KRT15: variants seen among roughly 807,000 people sequenced by gnomAD.
KRT15 encodes keratin, type I cytoskeletal 15.
KRT15 carries 45 observed loss-of-function variants against 46.6 expected under a neutral mutation model. The ratio of observed to expected loss-of-function variants is 0.97; its 90% CI spans 0.76 to 1.24. The LOEUF is 1.24. Ranked by LOEUF, KRT15 falls within the 50% of genes most tolerant of loss-of-function variation. The pLI, the probability that KRT15 is intolerant of heterozygous loss-of-function variation, is 0.00. For missense variants in KRT15, 592 were observed against 588.9 expected, an observed-to-expected ratio of 1.01 and a Z score of -0.05; for synonymous variants, 221 against 233.8, an observed-to-expected ratio of 0.95 and a Z score of 0.50.
chr17:41,517,079 G>C lies in KRT15; in HGVS notation c.581+4C>G. 1 of 1,614,160 alleles carries C rather than the reference G, an allele frequency of 6.2e-7. No homozygotes were observed. The highest frequency in any genetic ancestry group is 8.5e-7 in the Non-Finnish European group (1 of 1,179,996). Reference sequence around the variant, plus strand: ...AGGAAGAGGAGAGAGACGGGGGAGCGCACTTGAGCCTGAAGTCGTCCGCAG... The same window carrying C: ...AGGAAGAGGAGAGAGACGGGGGAGCCCACTTGAGCCTGAAGTCGTCCGCAG... On this transcript the variant is annotated splice_donor_region_variant and intron_variant, in intron 2 of 7. Transcript: ENST00000254043.
In KRT15 at chr17:41,517,091, G is replaced by A. The variant is rs1905416057; in HGVS notation, c.573C>T (p.Phe191=). Residue 191 remains phenylalanine, a synonymous_variant, in exon 2 of 8, where the codon TTC becomes TTT. Transcript: ENST00000254043. ...IDNARLAADD[F]RLKYENELAL... is the part of the protein sequence containing the mutation. ...GAGACGGGGGAGCGCACTTGAGCCT[G>A]AAGTCGTCCGCAGCCAGCCTGGCAT... 3 of 1,614,082 alleles carry A rather than the reference G, an allele frequency of 1.9e-6. No individual in the cohort carries two copies. In the Admixed American group the frequency reaches 5.0e-5, roughly 27 times the overall value.
At position 41,518,477 on chromosome 17, in the gene KRT15, G is replaced by A. The variant is rs766813543; in HGVS notation, c.351C>T (p.Ala117=). 2.5e-6 allele frequency: 4 copies of A among 1,614,060 alleles called. No homozygotes were observed. The highest frequency in any genetic ancestry group is 3.3e-5 in the Admixed American group (2 of 59,996). The change falls in exon 1 of 8, where the codon GCC becomes GCT. Residue 117 remains alanine, a synonymous_variant. Coordinates refer to ENST00000254043, the MANE Select transcript of KRT15 (RefSeq NM_002275.4). ...ITMQNLNDRL[A]SYLDKVRALE... The stretch of plus-strand genomic sequence containing the variant: ...GGGCACGTACCTTGTCCAGGTAGGA[G>A]GCCAGGCGGTCATTGAGGTTCTGCA...
Position 41,518,873 on chromosome 17 carries a change from G to A in KRT15, c.-46C>T, listed in dbSNP as rs771672993. On this transcript the variant is annotated 5_prime_UTR_variant, in exon 1 of 8. Transcript: ENST00000254043. ...TGAGTTCTCAGCAAACCCAAGAGAT[G>A]CTGGCAGGAGGTACCAGGCCAGGCT... The A allele has an allele frequency of 6.6e-7, 1 of 1,519,106 alleles. No individual in the cohort carries two copies. Among genetic ancestry groups the A allele is most frequent in the Non-Finnish European group, 8.8e-7 (1 of 1,137,514 alleles). The allele number at this position is 1,519,106 out of a possible 1,614,324, so 94.1% of individuals were successfully genotyped here.
At chr17:41,516,360 A>T in intron 3 of KRT15, 95 bp from the exon 4 acceptor site, 1 of 1,325,456 alleles carries the variant, frequency 7.5e-7, no homozygotes, top group African/African-American at 1.5e-5. Flanking sequence ...TGCCCGTAAC[A>T]CACCCCAACC....
At chr17:41,514,792 A>C (rs1905277245) in intron 6 of KRT15, 118 bp from the exon 7 acceptor site, 2 of 1,001,134 alleles carry the variant, frequency 2.0e-6, no homozygotes, top group Non-Finnish European at 3.1e-6. Flanking sequence ...CCACCCACAC[A>C]TCTGACTCCT....
At chr17:41,514,362 G>A (rs1047958017) in intron 7 of KRT15, 2 of 599,652 alleles carry the variant, frequency 3.3e-6, no homozygotes, top group Non-Finnish European at 5.9e-6. Context: ...CACATGAAGG[G>A]GGATGAATTG....
chr17:41,515,670 A>G lies in KRT15; in HGVS notation c.1049T>C (p.Leu350Pro). 3 of 1,614,078 alleles carry G rather than the reference A, an allele frequency of 1.9e-6. No homozygotes were observed. Among genetic ancestry groups the G allele is most frequent in the Non-Finnish European group, 2.5e-6 (3 of 1,179,964 alleles). Reference sequence around the variant, plus strand: ...GGCATAGCGGCACTCTGTCTCGGCCAGTGAGTTCTCCAGCCCAGCTTTCTG... The same window carrying G: ...GGCATAGCGGCACTCTGTCTCGGCCGGTGAGTTCTCCAGCCCAGCTTTCTG... ...LSMKAGLENSLAETECRYATQ... is the reference protein window; with the variant it reads ...LSMKAGLENSPAETECRYATQ... The change falls in exon 6 of 8, where the codon CTG becomes CCG. Residue 350 changes from leucine (L) to proline (P), a missense_variant. Physicochemically the swap from Leu to Pro is moderately conservative, Grantham distance 98. Transcript: ENST00000254043.
Position 41,515,683 on chromosome 17 carries a change from G to A in KRT15, c.1036C>T (p.Leu346=). The A allele has an allele frequency of 6.2e-7, 1 of 1,613,750 alleles. No individual in the cohort carries two copies. Among genetic ancestry groups the A allele is most frequent in the Non-Finnish European group, 8.5e-7 (1 of 1,179,720 alleles). ...TCTGTCTCGGCCAGTGAGTTCTCCA[G>A]CCCAGCTTTCTGGGGGAGTGACAGA... ...LQSQLSMKAG[L]ENSLAETECR... The change falls in exon 6 of 8, where the codon CTG becomes TTG. Residue 346 remains leucine (L), a synonymous_variant. Coordinates refer to ENST00000254043, the MANE Select transcript of KRT15 (RefSeq NM_002275.4).
Position 41,513,761 on chromosome 17 carries a change from A to G in KRT15, c.*262T>C. 3 of 375,300 alleles carry G rather than the reference A, an allele frequency of 8.0e-6. No individual in the cohort carries two copies. The South Asian group carries it at 9.4e-5, about 12-fold the overall frequency. 23.2% of individuals were successfully genotyped at this position (375,300 alleles called of 1,614,324 possible). A position where few individuals can be genotyped will look rare whatever the true frequency, so the allele number is the denominator to read the frequency against. On this transcript the variant is annotated 3_prime_UTR_variant, in exon 8 of 8. Transcript: ENST00000254043. ...GCCAAGAGATATTTGCAAAAGGAAA[A>G]GTAATTCTTTATTACATGAACAGAC...
Position 41,518,314 on chromosome 17 carries a change from A to G in KRT15, c.498+16T>C. 2 of 1,601,176 alleles carry G rather than the reference A, an allele frequency of 1.2e-6. No homozygotes were observed. Among genetic ancestry groups the G allele is most frequent in the African/African-American group, 2.7e-5 (2 of 74,704 alleles). On this transcript the variant is annotated intron_variant, in intron 1 of 7. Coordinates refer to ENST00000254043, the MANE Select transcript of KRT15 (RefSeq NM_002275.4). ...CCAGCCACCTGCTCCCCTCTCTTTG[A>G]CATCCGAGGACTCACCTTGTCCCGG...
At chr17:41,514,617 C>G (rs1905270466) in intron 7 of KRT15, 32 bp downstream of exon 7, 1 of 1,608,894 alleles carries the variant, frequency 6.2e-7, no homozygotes. Context: ...CTCCCCTCCC[C>G]ACCCCACACC....
At chr17:41,515,438 C>G (rs199635206) in intron 6 of KRT15, 34 bp downstream of exon 6, 7 of 1,591,108 alleles carry the variant, frequency 4.4e-6, no homozygotes, top group Non-Finnish European at 5.2e-6. Flanking sequence ...ACAAGCAGCC[C>G]TCATCACTCC....
At position 41,518,767 on chromosome 17, in the gene KRT15, C is replaced by A; in HGVS notation, c.61G>T (p.Gly21Cys). 1 of 1,578,190 alleles carries A rather than the reference C, an allele frequency of 6.3e-7. No homozygotes were observed. Among genetic ancestry groups the A allele is most frequent in the Non-Finnish European group, 8.6e-7 (1 of 1,165,502 alleles). ...CCACCTCCCCCAGCCAGGAGGGAAC[C>A]CCCTCGGGTTGAGCCACCCCCAAAG... Reference protein sequence around the residue: ...STFGGGSTRGGSLLAGGGGFG... With the variant: ...STFGGGSTRGCSLLAGGGGFG... The change falls in exon 1 of 8, where the codon GGT (glycine) becomes TGT (cysteine). Residue 21 changes from glycine to cysteine, a missense_variant. Gly to Cys is a radical substitution (Grantham distance 159). Transcript: ENST00000254043.
chr17:41,514,765 C>A, intron 6 of KRT15, 91 bp from the exon 7 acceptor site: 1 of 1,356,608 alleles, frequency 7.4e-7, no homozygotes, highest in Non-Finnish European at 1.0e-6. Flanking sequence ...CAGTGTTCTT[C>A]AGACCCTACA....
chr17:41,518,392 G>T lies in KRT15; in HGVS notation c.436C>A (p.Pro146Thr), dbSNP rs1176886502. ...KIHDWYQKQT[P>T]TSPECDYSQY... Reference sequence around the variant, plus strand: ...CTGTAGTCGCATTCTGGGCTGGTTGGGGTCTGCTTCTGGTACCAGTCATGG... The same window carrying T: ...CTGTAGTCGCATTCTGGGCTGGTTGTGGTCTGCTTCTGGTACCAGTCATGG... Residue 146 changes from proline to threonine, a missense_variant, in exon 1 of 8, where the codon CCA becomes ACA. Transcript: ENST00000254043. 1.8e-5 allele frequency: 29 copies of T among 1,613,888 alleles called. No individual in the cohort carries two copies. The highest frequency in any genetic ancestry group is 2.2e-5 in the Non-Finnish European group (26 of 1,179,996).
At chr17:41,514,192 G>A (rs891682713) in intron 7 of KRT15, 72 bp from the exon 8 acceptor site, 39 of 1,191,534 alleles carry the variant, frequency 3.3e-5, no homozygotes, top group African/African-American at 2.5e-4. Flanking sequence ...GGACCTTGGC[G>A]GGGCTCTGGG....
In KRT15 at chr17:41,515,879, C is replaced by T. The variant is rs1905336242; in HGVS notation, c.1026+6G>A. 1.2e-6 allele frequency: 2 copies of T among 1,613,810 alleles called. No homozygotes were observed. Among genetic ancestry groups the T allele is most frequent in the African/African-American group, 2.7e-5 (2 of 74,894 alleles). On this transcript the variant is annotated splice_donor_region_variant and intron_variant, in intron 5 of 7. Transcript: ENST00000254043. ...AGAGGCTGGGATGGGGCGCGAGTGG[C>T]CGTACCATGCTGAGCTGGGACTGCA... is the stretch of plus-strand genomic sequence containing the variant.
At position 41,518,643 on chromosome 17, in the gene KRT15, C is replaced by G. The variant is rs776100850; in HGVS notation, c.185G>C (p.Gly62Ala). The part of the protein sequence containing the change: ...VSSGSGGGYG[G>A]GMRVCGFGGG... Reference sequence around the variant, plus strand: ...ACCAAAGCCACAGACCCTCATGCCACCCCCATATCCTCCTCCTGACCCTGA... The same window carrying G: ...ACCAAAGCCACAGACCCTCATGCCAGCCCCATATCCTCCTCCTGACCCTGA... The change falls in exon 1 of 8, where the codon GGT becomes GCT. Residue 62 changes from glycine to alanine, a missense_variant. Coordinates refer to ENST00000254043, the MANE Select transcript of KRT15 (RefSeq NM_002275.4). 1 of 1,613,062 alleles carries G rather than the reference C, an allele frequency of 6.2e-7. No individual in the cohort carries two copies. Among genetic ancestry groups the G allele is most frequent in the South Asian group, 1.1e-5 (1 of 90,984 alleles).
chr17:41,514,249 G>A (rs1905257041), intron 7 of KRT15, 129 bp from the exon 8 acceptor site: 2 of 703,482 alleles, frequency 2.8e-6, no homozygotes, highest in African/African-American at 1.8e-5. Context: ...AATCCCTCAA[G>A]AGCTGCCAGA....
Sources: gnomAD v4.1 joint callset for allele counts on GRCh38, gnomAD v4.1.1 for gene constraint, MANE v1.5 for transcripts, NCBI Gene and HGNC (gene_info 2026-07-23, HGNC 2026-07-21) for gene names.